CDH4: variants seen among roughly 807,000 people sequenced by gnomAD.
CDH4 encodes the protein cadherin 4, also known as cadherin-4.
A neutral mutation model predicts 86.0 loss-of-function variants in CDH4; 33 were observed. The observed-to-expected ratio is 0.38, with a 90% CI of 0.29 to 0.51. The LOEUF is 0.51. Among genes scored for constraint, CDH4 ranks in the 20% least tolerant of loss-of-function variants. CDH4 has a pLI of 0.86. For synonymous variants in CDH4, 555 were observed against 549.4 expected (o/e 1.01, Z -0.14); for missense variants, 1,114 against 1,307.4 (o/e 0.85, Z 2.28).
chr20:61,858,559 A>C (rs1004264443), intron 6 of CDH4, among the ~76,000 whole-genome samples: 1 of 151,036 alleles, frequency 6.6e-6, no homozygotes, highest in African/African-American at 2.5e-5. Context: ...CTGTGTCTGC[A>C]TGTGTGTCTG....
intron 2 of CDH4, among the ~76,000 whole-genome samples, chr20:61,532,498 G>A (rs183856876): frequency 1.6e-3 from 246 of 152,202 alleles, no homozygotes; most frequent in African/African-American, 5.5e-3. Context: ...AAAAAGACCC[G>A]CATCTCACCA....
At chr20:61,821,052 C>A (rs1980998494) in intron 4 of CDH4, among the ~76,000 whole-genome samples, 1 of 151,606 alleles carries the variant, frequency 6.6e-6, no homozygotes, top group South Asian at 2.1e-4. Flanking sequence ...AAGCTTTCAC[C>A]CCCTGCCAGC....
chr20:61,441,781 C>T (rs1296143555), intron 2 of CDH4, among the ~76,000 whole-genome samples: 1 of 152,168 alleles, frequency 6.6e-6, no homozygotes, highest in African/African-American at 2.4e-5. Flanking sequence ...CAATAAATTT[C>T]CATGGCTCAT....
At chr20:61,767,899 A>G (rs2145979164) in intron 3 of CDH4, among the ~76,000 whole-genome samples, 1 of 152,308 alleles carries the variant, frequency 6.6e-6, no homozygotes, top group South Asian at 2.1e-4. Context: ...CTGGGGAGCC[A>G]TCCTGCAGGC....
intron 2 of CDH4, among the ~76,000 whole-genome samples, chr20:61,304,686 T>C (rs2084406086): frequency 6.6e-6 from 1 of 152,160 alleles, no homozygotes; most frequent in African/African-American, 2.4e-5. Context: ...CTAGAGACGA[T>C]GTATTTCTAG....
chr20:61,324,109 G>A (rs998251780), intron 2 of CDH4, among the ~76,000 whole-genome samples: 7 of 152,140 alleles, frequency 4.6e-5, no homozygotes, highest in Non-Finnish European at 8.8e-5. Flanking sequence ...GAGTGTGTGC[G>A]ATACTGAGTA....
At chr20:61,847,463 C>T (rs1486660972) in intron 5 of CDH4, among the ~76,000 whole-genome samples, 2 of 152,244 alleles carry the variant, frequency 1.3e-5, no homozygotes, top group East Asian at 3.8e-4. Flanking sequence ...TTCAACCCAC[C>T]ATGTGCAGAG....
chr20:61,509,980 A>G (rs1185582203), intron 2 of CDH4, among the ~76,000 whole-genome samples: 1 of 152,232 alleles, frequency 6.6e-6, no homozygotes, highest in Non-Finnish European at 1.5e-5. Context: ...GAAGGTTCTC[A>G]TTAAAATCAA....
rs560240419 is a variant in CDH4 at position 61,623,614 on chromosome 20, C to G, written c.170-119949C>G. On this transcript the variant is annotated intron_variant, in intron 2 of 15. Transcript: ENST00000614565. The surrounding 1 kb of genome is among the most constrained non-coding windows in gnomAD (Gnocchi z 4.4). ...TGTTGTCTTTCCTCTACATGAGCAT[C>G]ATTCGTGCAAAGTGCATCACAGCTG... is the stretch of plus-strand genomic sequence containing the variant. Among the ~76,000 whole-genome samples, 18 of 152,310 alleles carry G rather than the reference C, an allele frequency of 1.2e-4. No individual in the cohort carries two copies. Among genetic ancestry groups the G allele is most frequent in the African/African-American group, 4.1e-4 (17 of 41,570 alleles).
chr20:61,622,775 C>A (rs1395507277), intron 2 of CDH4, among the ~76,000 whole-genome samples: 1 of 152,218 alleles, frequency 6.6e-6, no homozygotes. Context: ...ATGCCAGTAG[C>A]ACCCACCCTG....
At chr20:61,394,241 G>A (rs1041473961) in intron 2 of CDH4, among the ~76,000 whole-genome samples, 4 of 151,970 alleles carry the variant, frequency 2.6e-5, no homozygotes, top group Non-Finnish European at 4.4e-5. Flanking sequence ...CCCTTCTCCT[G>A]GACATCTTCA....
At chr20:61,622,087 T>C (rs1036609451) in intron 2 of CDH4, among the ~76,000 whole-genome samples, 4 of 152,166 alleles carry the variant, frequency 2.6e-5, no homozygotes, top group African/African-American at 9.7e-5. Context: ...TACTCAAGGG[T>C]TGGCTGCTCA....
chr20:61,299,333 G>A (rs754509233), intron 2 of CDH4, among the ~76,000 whole-genome samples: 14 of 152,192 alleles, frequency 9.2e-5, no homozygotes, highest in Non-Finnish European at 1.8e-4. Context: ...CCCAGAGGGA[G>A]CACGGCCCTG....
intron 2 of CDH4, among the ~76,000 whole-genome samples, chr20:61,342,254 C>T (rs990847422): frequency 2.0e-5 from 3 of 152,160 alleles, no homozygotes; most frequent in Non-Finnish European, 2.9e-5. Context: ...GATTCAAGCG[C>T]TTTACATTTA....
At chr20:61,695,788 A>G (rs1045622077) in intron 2 of CDH4, among the ~76,000 whole-genome samples, 8 of 152,214 alleles carry the variant, frequency 5.3e-5, no homozygotes, top group Non-Finnish European at 7.4e-5. Flanking sequence ...AATTTGCACC[A>G]ACCTCCTTCG....
intron 2 of CDH4, among the ~76,000 whole-genome samples, chr20:61,609,458 GTGTT>G (rs1363129173): frequency 1.2e-4 from 19 of 152,158 alleles, no homozygotes; most frequent in Non-Finnish European, 2.1e-4. Context: ...CAGTGTGTGT[GTGTT>G]TGTTTATAGA....
At chr20:61,527,238 G>C (rs1161752789) in intron 2 of CDH4, among the ~76,000 whole-genome samples, 2 of 151,790 alleles carry the variant, frequency 1.3e-5, no homozygotes. Flanking sequence ...GTAAACACCA[G>C]TTTTTAAACA....
intron 2 of CDH4, among the ~76,000 whole-genome samples, chr20:61,658,815 G>A (rs928783931): frequency 6.6e-6 from 1 of 152,206 alleles, no homozygotes; most frequent in African/African-American, 2.4e-5. Context: ...AGGCAGACAG[G>A]CCTGGTGGGT....
rs35363330 is a variant in CDH4, at chr20:61,722,112, C to A, written c.170-21451C>A. On this transcript the variant is annotated intron_variant, in intron 2 of 15. Transcript: ENST00000614565. ...TTGCAGAGAAACATACAGACAAGCACGCCCCAGGCCAAGAAGAAATGGCAG... is the reference window on the plus strand; with the variant it reads ...TTGCAGAGAAACATACAGACAAGCAAGCCCCAGGCCAAGAAGAAATGGCAG... 8.5e-5 allele frequency among the ~76,000 whole-genome samples: 13 copies of A among 152,310 alleles called. No homozygotes were observed. The South Asian group carries it at 2.5e-3, about 29-fold the overall frequency.
Sources: allele counts gnomAD v4.1 joint callset (sites outside exome capture counted in the v4.1 genomes callset), GRCh38; gene constraint gnomAD v4.1.1; non-coding constraint Gnocchi (gnomAD v3.1); transcripts MANE v1.5; gene names NCBI Gene and HGNC (gene_info 2026-07-23, HGNC 2026-07-21).